Variants in TENT5B observed in about 807,000 individuals in gnomAD.
The protein encoded by TENT5B is terminal nucleotidyltransferase 5B.
A neutral mutation model predicts 21.7 loss-of-function variants in TENT5B; 12 were observed. The observed-to-expected ratio is 0.55, with a 90% confidence interval of 0.36 to 0.90. The LOEUF (loss-of-function observed/expected upper bound fraction) is 0.90, where lower values mean the gene tolerates loss of function less well. TENT5B is among the 40% of genes least tolerant of loss of function. TENT5B has a pLI of 0.01. For missense variants in TENT5B, 540 were observed against 601.5 expected (o/e 0.90, Z 1.07); for synonymous variants, 262 against 266.6 (o/e 0.98, Z 0.17).
At chr1:27,010,381 G>A (rs2082618107) in intron 1 of TENT5B, among the ~76,000 whole-genome samples, 1 of 152,066 alleles carries the variant, frequency 6.6e-6, no homozygotes, top group Admixed American at 6.6e-5. Context: ...CAGCAGCAGT[G>A]AAAAGCCCCA....
rs2082591816 is a variant in TENT5B, at chr1:27,005,485, G to C, written c.*459C>G. ...CTGTAGTGGCCCAGCCTGATCCAAA[G>C]TGACAAGTCCCTGTAACATACCATG... On this transcript the variant is annotated 3_prime_UTR_variant, in exon 2 of 2. Transcript: ENST00000289166. 1 of 159,778 alleles carries C rather than the reference G, an allele frequency of 6.3e-6. No homozygotes were observed. The highest frequency in any genetic ancestry group is 1.4e-5 in the Non-Finnish European group (1 of 73,106). 9.9% of individuals were successfully genotyped at this position (159,778 alleles called of 1,614,324 possible). A position where few individuals can be genotyped will look rare whatever the true frequency, so the allele number is the denominator to read the frequency against.
chr1:27,010,275 G>A (rs1487257901), intron 1 of TENT5B, among the ~76,000 whole-genome samples: 1 of 152,156 alleles, frequency 6.6e-6, no homozygotes, highest in African/African-American at 2.4e-5. Context: ...GTACAAGCAA[G>A]AACAGAATCT....
intron 1 of TENT5B, among the ~76,000 whole-genome samples, chr1:27,007,418 G>T (rs1458378831): frequency 1.1e-4 from 16 of 149,658 alleles, no homozygotes; most frequent in African/African-American, 3.9e-4. Flanking sequence ...TTGAGATGGA[G>T]TCTCACTTTG....
intron 1 of TENT5B, among the ~76,000 whole-genome samples, chr1:27,008,851 C>T (rs1005759662): frequency 1.3e-4 from 19 of 150,960 alleles, no homozygotes; most frequent in African/African-American, 4.1e-4. Context: ...ATCCACCTGC[C>T]GCAGCTTCCC....
chr1:27,008,013 TTATA>T (rs2124205303), intron 1 of TENT5B, among the ~76,000 whole-genome samples: 1 of 152,140 alleles, frequency 6.6e-6, no homozygotes, highest in South Asian at 2.1e-4. Context: ...GAGGCAAAAA[TTATA>T]TACTTTTTTT....
chr1:27,008,770 T>A (rs539429601), intron 1 of TENT5B, among the ~76,000 whole-genome samples: 37 of 151,312 alleles, frequency 2.4e-4, no homozygotes, highest in Non-Finnish European at 4.9e-4. Flanking sequence ...CTCAGCTAAT[T>A]TTTGTATTTT....
At chr1:27,007,783 T>C (rs1202837784) in intron 1 of TENT5B, among the ~76,000 whole-genome samples, 1 of 152,204 alleles carries the variant, frequency 6.6e-6, no homozygotes, top group Non-Finnish European at 1.5e-5. Context: ...GGAATATGGT[T>C]AGCAGTTCAC....
At chr1:27,010,064 C>CCAG in intron 1 of TENT5B, among the ~76,000 whole-genome samples, 1 of 152,332 alleles carries the variant, frequency 6.6e-6, no homozygotes, top group East Asian at 1.9e-4. Flanking sequence ...ACGCCGTCAG[C>CCAG]CAGCAGGCTT....
intron 1 of TENT5B, among the ~76,000 whole-genome samples, chr1:27,011,530 G>A (rs539867789): frequency 2.0e-5 from 3 of 152,186 alleles, no homozygotes; most frequent in Non-Finnish European, 4.4e-5. Context: ...GTAATCTTGG[G>A]TGGCAAACTG....
Position 27,005,777 on chromosome 1 carries a change from A to G in TENT5B, c.*167T>C, listed in dbSNP as rs769842673. ...AGCCCCAGGCTGGCATTAAGCCCAC[A>G]GGGGCCTCGTGCTCGGGAAAGTCTG... is the stretch of plus-strand genomic sequence containing the variant. On this transcript the variant is annotated 3_prime_UTR_variant, in exon 2 of 2. Coordinates refer to ENST00000289166, the MANE Select transcript of TENT5B (RefSeq NM_052943.4). The G allele has an allele frequency of 4.2e-5, 38 of 899,198 alleles. No individual in the cohort carries two copies. The highest frequency in any genetic ancestry group is 5.9e-5 in the Non-Finnish European group (37 of 631,252). 55.7% of individuals were successfully genotyped at this position (899,198 alleles called of 1,614,324 possible). A position where few individuals can be genotyped will look rare whatever the true frequency, so the allele number is the denominator to read the frequency against.
Position 27,012,601 on chromosome 1 carries a change from T to C in TENT5B, c.70A>G (p.Thr24Ala), listed in dbSNP as rs578233653. The change falls in exon 1 of 2, where the codon ACG (threonine) becomes GCG (alanine). Residue 24 changes from threonine (T) to alanine (A), a missense_variant. By Grantham distance (58) the Thr-to-Ala change is moderately conservative. Coordinates refer to ENST00000289166, the MANE Select transcript of TENT5B (RefSeq NM_052943.4). ...AAAQVGTAAA[T>A]AVATAAPAGG... ...GCCGGGGCTGCCGTGGCCACCGCCG[T>C]GGCCGCAGCCGTCCCCACCTGAGCA... 10 of 1,531,318 alleles carry C rather than the reference T, an allele frequency of 6.5e-6. No homozygotes were observed. The Admixed American group carries it at 1.2e-4, about 18-fold the overall frequency. The allele number at this position is 1,531,318 out of a possible 1,614,324, so 94.9% of individuals were successfully genotyped here.
At chr1:27,011,690 T>A (rs1451986523) in intron 1 of TENT5B, among the ~76,000 whole-genome samples, 2 of 152,212 alleles carry the variant, frequency 1.3e-5, no homozygotes, top group Non-Finnish European at 2.9e-5. Context: ...GTCAGAATTC[T>A]CTTCTCCCTT....
chr1:27,007,022 G>T (rs544268863), intron 1 of TENT5B, 65 bp from the exon 2 acceptor site: 2 of 1,421,428 alleles, frequency 1.4e-6, no homozygotes, highest in African/African-American at 3.0e-5. Flanking sequence ...AAGGACTTCC[G>T]TTTACTTATC....
rs781269726 is a variant in TENT5B, at chr1:27,005,593, A to G, written c.*351T>C. ...GCCTTAGTCAAAAAGACCCTCTTAG[A>G]CCATGGGAATCAATCCAAGGTGCTG... On this transcript the variant is annotated 3_prime_UTR_variant, in exon 2 of 2. Transcript: ENST00000289166. The G allele has an allele frequency of 1.2e-4, 33 of 276,392 alleles. No homozygotes were observed. The highest frequency in any genetic ancestry group is 2.0e-4 in the Non-Finnish European group (30 of 146,346). 17.1% of individuals were successfully genotyped at this position (276,392 alleles called of 1,614,324 possible). A position where few individuals can be genotyped will look rare whatever the true frequency, so the allele number is the denominator to read the frequency against.
intron 1 of TENT5B, 147 bp downstream of exon 1, chr1:27,012,260 A>T: frequency 7.8e-7 from 1 of 1,285,002 alleles, no homozygotes; most frequent in Non-Finnish European, 1.1e-6. Flanking sequence ...CTGGTCTACC[A>T]TTCATAATGC....
In TENT5B at chr1:27,006,279, C is replaced by T; in HGVS notation, c.943G>A (p.Asp315Asn). 6.2e-7 allele frequency: 1 copy of T among 1,612,422 alleles called. No homozygotes were observed. Among genetic ancestry groups the T allele is most frequent in the Non-Finnish European group, 8.5e-7 (1 of 1,179,496 alleles). The change falls in exon 2 of 2, where the codon GAC becomes AAC. Residue 315 changes from aspartate to asparagine, a missense_variant. Coordinates refer to ENST00000289166, the MANE Select transcript of TENT5B (RefSeq NM_052943.4). The surrounding 1 kb of genome is among the most constrained non-coding windows in gnomAD (Gnocchi z 9.4). ...MCSRFFIDFP[D>N]LVEQRRTLER... is the part of the protein sequence containing the mutation. Reference sequence around the variant, plus strand: ...AGGGTGCGCCGCTGCTCCACCAGGTCTGGAAAGTCGATGAAGAAGCGGGAG... The same window carrying T: ...AGGGTGCGCCGCTGCTCCACCAGGTTTGGAAAGTCGATGAAGAAGCGGGAG...
rs1467799191 is a variant in TENT5B, at chr1:27,005,753, G to T, written c.*191C>A. The stretch of plus-strand genomic sequence containing the variant: ...TAACCAAAGGGTCCTCCTGCTGAGA[G>T]CCCCAGGCTGGCATTAAGCCCACAG... On this transcript the variant is annotated 3_prime_UTR_variant, in exon 2 of 2. Coordinates refer to ENST00000289166, the MANE Select transcript of TENT5B (RefSeq NM_052943.4). 3 of 667,770 alleles carry T rather than the reference G, an allele frequency of 4.5e-6. No individual in the cohort carries two copies. The highest frequency in any genetic ancestry group is 3.7e-5 in the African/African-American group (2 of 54,258). 41.4% of individuals were successfully genotyped at this position (667,770 alleles called of 1,614,324 possible).
rs771259268 is a variant in TENT5B, at chr1:27,006,694, C to T, written c.528G>A (p.Lys176=). 3.7e-6 allele frequency: 6 copies of T among 1,614,040 alleles called. No individual in the cohort carries two copies. Among genetic ancestry groups the T allele is most frequent in the Non-Finnish European group, 5.1e-6 (6 of 1,180,034 alleles). ...PLTLKEAYVQ[K]LVKVCTDSDR... ...CCGAGTCTGTGCACACTTTCACCAGCTTCTGCACGTATGCCTCCTTGAGTG... is the reference window on the plus strand; with the variant it reads ...CCGAGTCTGTGCACACTTTCACCAGTTTCTGCACGTATGCCTCCTTGAGTG... Residue 176 remains lysine, a synonymous_variant, in exon 2 of 2, where the codon AAG becomes AAA. Coordinates refer to ENST00000289166, the MANE Select transcript of TENT5B (RefSeq NM_052943.4). The surrounding 1 kb of genome is among the most constrained non-coding windows in gnomAD (Gnocchi z 9.4).
rs1390975420 is a variant in TENT5B at position 27,012,543 on chromosome 1, G to A, written c.128C>T (p.Ala43Val). ...CCCACTCAGGTGCCGTCCGGGGAAG[G>A]CCGATAAGGCCTCCGGGTCGGGGCC... ...GGGPDPEALS[A>V]FPGRHLSGLS... Residue 43 changes from alanine to valine, a missense_variant, in exon 1 of 2, where the codon GCC becomes GTC. Ala to Val is a moderately conservative substitution (Grantham distance 64, BLOSUM62 0). Transcript: ENST00000289166. The A allele has an allele frequency of 2.5e-6, 4 of 1,597,308 alleles. No homozygotes were observed. The South Asian group carries it at 4.5e-5, about 18-fold the overall frequency.
Sources: gnomAD v4.1 joint callset for allele counts (sites outside exome capture counted in the v4.1 genomes callset) on GRCh38, gnomAD v4.1.1 for gene constraint, Gnocchi (gnomAD v3.1) non-coding constraint, MANE v1.5 for transcripts, NCBI Gene and HGNC (gene_info 2026-07-23, HGNC 2026-07-21) for gene names.